Variants in SMAP1 observed in about 807,000 individuals in gnomAD.
The protein encoded by SMAP1 is stromal membrane-associated protein 1.
A neutral mutation model predicts 58.5 loss-of-function variants in SMAP1; 24 were observed. The observed-to-expected ratio is 0.41, with a 90% CI of 0.30 to 0.58. The LOEUF (loss-of-function observed/expected upper bound fraction) is 0.58, where lower values mean the gene tolerates loss of function less well. SMAP1 is among the 20% of genes least tolerant of loss of function. The probability of loss-of-function intolerance (pLI) is 0.29; values close to 1 mark genes in which losing one functional copy is unlikely to be tolerated. For missense variants in SMAP1, 563 were observed against 566.3 expected (o/e 0.99, Z 0.06); for synonymous variants, 216 against 196.6 (o/e 1.10, Z -0.82).
rs1379584023 is a variant in SMAP1 at position 70,798,743 on chromosome 6, ATTC to A, written c.576+9_576+11del. On this transcript the variant is annotated splice_region_variant and intron_variant, in intron 6 of 10. Transcript: ENST00000370455. The stretch of plus-strand genomic sequence containing the variant: ...AACCACTTACAGCTGAAAAGGTAAA[ATTC>A]TTTTTTTAAAAATAATCTATTAGGA... 2 of 1,544,760 alleles carry A rather than the reference ATTC, an allele frequency of 1.3e-6. No homozygotes were observed. Among genetic ancestry groups the A allele is most frequent in the Non-Finnish European group, 1.7e-6 (2 of 1,147,496 alleles).
chr6:70,668,582 G>T, intron 1 of SMAP1: 1 of 1,535,678 alleles, frequency 6.5e-7, no homozygotes, highest in Non-Finnish European at 8.7e-7. Flanking sequence ...CTACCCTCCG[G>T]TGTGACCACG....
intron 6 of SMAP1, among the ~76,000 whole-genome samples, chr6:70,809,334 A>G (rs113674336): frequency 3.9e-5 from 6 of 152,332 alleles, no homozygotes; most frequent in Non-Finnish European, 7.4e-5. Context: ...ACAACCATCA[A>G]ACTTCCTCAT....
intron 1 of SMAP1, among the ~76,000 whole-genome samples, chr6:70,728,289 C>A (rs766497667): frequency 2.0e-5 from 3 of 152,122 alleles, no homozygotes; most frequent in Non-Finnish European, 2.9e-5. Flanking sequence ...CAAAATATAT[C>A]ATTTCTGTTT....
intron 3 of SMAP1, among the ~76,000 whole-genome samples, chr6:70,755,828 A>G (rs1308240251): frequency 1.3e-5 from 2 of 151,950 alleles, no homozygotes; most frequent in East Asian, 3.9e-4. Flanking sequence ...GATTACCTTT[A>G]TATAGTAGTT....
chr6:70,850,117 G>A (rs1275889159), intron 7 of SMAP1, among the ~76,000 whole-genome samples: 1 of 152,182 alleles, frequency 6.6e-6, no homozygotes, highest in Non-Finnish European at 1.5e-5. Flanking sequence ...AGGAGTCTAA[G>A]GTACTAAGTA....
intron 1 of SMAP1, among the ~76,000 whole-genome samples, chr6:70,677,938 G>GT (rs1296844094): frequency 6.6e-6 from 1 of 152,100 alleles, no homozygotes; most frequent in Non-Finnish European, 1.5e-5. Flanking sequence ...GTAGAACTGT[G>GT]TTTAACTTGG....
Position 70,861,655 on chromosome 6 carries a change from G to C in SMAP1, c.*1321G>C, listed in dbSNP as rs746222408. 6.2e-7 allele frequency: 1 copy of C among 1,611,558 alleles called. No homozygotes were observed. The highest frequency in any genetic ancestry group is 1.7e-5 in the Admixed American group (1 of 59,980). ...GGCTGGACAAACTGCACCAGTTGCT[G>C]CTTCAATTTATACCTCAATTTTCAC... On this transcript the variant is annotated 3_prime_UTR_variant, in exon 11 of 11. Coordinates refer to ENST00000370455, the MANE Select transcript of SMAP1 (RefSeq NM_001044305.3).
At chr6:70,670,867 C>A (rs1471541040) in intron 1 of SMAP1, among the ~76,000 whole-genome samples, 2 of 152,198 alleles carry the variant, frequency 1.3e-5, no homozygotes. Context: ...TACTGAATCA[C>A]CAGCTGTGTT....
Position 70,811,591 on chromosome 6 carries a change from CAT to C in SMAP1, c.576+12856_576+12857del, listed in dbSNP as rs1308799924. 1.1e-4 allele frequency among the ~76,000 whole-genome samples: 17 copies of C among 152,032 alleles called. No individual in the cohort carries two copies. The East Asian group carries it at 1.5e-3, about 14-fold the overall frequency. ...CCCTGCTGACACACACACACACACA[CAT>C]ACCAAAATCTGTGGATATTCAAGTC... On this transcript the variant is annotated intron_variant, in intron 6 of 10. Transcript: ENST00000370455.
chr6:70,774,967 G>A (rs990875286), intron 4 of SMAP1, among the ~76,000 whole-genome samples: 3 of 151,142 alleles, frequency 2.0e-5, no homozygotes, highest in African/African-American at 4.9e-5. Context: ...CTGAGATTGA[G>A]CCACTGCACT....
intron 1 of SMAP1, among the ~76,000 whole-genome samples, chr6:70,691,150 CT>C (rs1334054847): frequency 6.6e-6 from 1 of 152,174 alleles, no homozygotes; most frequent in Non-Finnish European, 1.5e-5. Flanking sequence ...AGTAATGTCT[CT>C]TCTATCATTG....
intron 1 of SMAP1, among the ~76,000 whole-genome samples, chr6:70,716,835 C>T (rs1051684426): frequency 1.3e-5 from 2 of 152,054 alleles, no homozygotes; most frequent in African/African-American, 4.8e-5. Context: ...GGGTAAATTG[C>T]ATATCATCAT....
At chr6:70,731,242 A>C (rs527324269) in intron 1 of SMAP1, among the ~76,000 whole-genome samples, 3 of 152,066 alleles carry the variant, frequency 2.0e-5, no homozygotes. Context: ...TACTTTATTA[A>C]TTTTACAAGC....
chr6:70,752,027 A>C (rs1240673149), intron 2 of SMAP1, among the ~76,000 whole-genome samples: 2 of 152,208 alleles, frequency 1.3e-5, no homozygotes, highest in Non-Finnish European at 2.9e-5. Context: ...ATGTTTTAAC[A>C]ACAGGAATGA....
intron 6 of SMAP1, among the ~76,000 whole-genome samples, chr6:70,824,335 G>T (rs1035748321): frequency 6.6e-6 from 1 of 151,848 alleles, no homozygotes; most frequent in Middle Eastern, 3.2e-3. Context: ...TTATTTTACC[G>T]ATCAAAAGCT....
intron 1 of SMAP1, among the ~76,000 whole-genome samples, chr6:70,713,824 G>C (rs1768156776): frequency 6.6e-6 from 1 of 152,090 alleles, no homozygotes; most frequent in Admixed American, 6.5e-5. Flanking sequence ...CCTATCTATT[G>C]TTGAAAATGG....
intron 1 of SMAP1, chr6:70,668,494 G>A (rs1766129032): frequency 8.2e-6 from 12 of 1,471,164 alleles, no homozygotes; most frequent in African/African-American, 5.6e-5. Flanking sequence ...CAGAGCTTAG[G>A]GTTAGAGAGT....
At chr6:70,849,575 C>T in intron 7 of SMAP1, among the ~76,000 whole-genome samples, 1 of 152,242 alleles carries the variant, frequency 6.6e-6, no homozygotes, top group African/African-American at 2.4e-5. Flanking sequence ...AATCTGGAAA[C>T]TACCTAAATT....
chr6:70,786,335 C>T (rs1323566328), intron 4 of SMAP1, among the ~76,000 whole-genome samples: 6 of 145,720 alleles, frequency 4.1e-5, no homozygotes, highest in East Asian at 2.0e-4. Context: ...GACAAACCCA[C>T]AGCCAATATC....
Sources: gnomAD v4.1 joint callset for allele counts (sites outside exome capture counted in the v4.1 genomes callset) on GRCh38, gnomAD v4.1.1 for gene constraint, MANE v1.5 for transcripts, NCBI Gene and HGNC (gene_info 2026-07-23, HGNC 2026-07-21) for gene names.